The following DIP2B variants were observed in gnomAD, a reference collection of about 807,000 sequenced individuals.
DIP2B encodes DIP2 acetate--CoA ligase B (putative).
A neutral mutation model predicts 198.0 loss-of-function variants in DIP2B; 76 were observed. That is an observed-to-expected ratio of 0.38 (90% CI 0.32 to 0.46). The LOEUF is 0.46. DIP2B is among the 20% of genes least tolerant of loss of function. The probability of loss-of-function intolerance (pLI) is 0.99; values close to 1 mark genes in which losing one functional copy is unlikely to be tolerated. For missense variants in DIP2B, 1,559 were observed against 1,978.4 expected, an observed-to-expected ratio of 0.79 and a Z score of 4.02; for synonymous variants, 701 against 739.1, an observed-to-expected ratio of 0.95 and a Z score of 0.84.
chr12:50,654,355 TC>T (rs1461206047), intron 3 of DIP2B, among the ~76,000 whole-genome samples: 1 of 151,372 alleles, frequency 6.6e-6, no homozygotes, highest in Non-Finnish European at 1.5e-5. Context: ...TTTCTTTCTT[TC>T]TTTTTTTTTT....
chr12:50,679,124 G>T, intron 8 of DIP2B: 1 of 467,792 alleles, frequency 2.1e-6, no homozygotes, highest in Non-Finnish European at 3.8e-6. Context: ...ATCCATAGAT[G>T]TTTTAACATT....
intron 13 of DIP2B, among the ~76,000 whole-genome samples, chr12:50,692,704 G>T (rs1054958666): frequency 2.0e-5 from 3 of 152,142 alleles, no homozygotes; most frequent in African/African-American, 7.2e-5. Context: ...GTGCATGGTG[G>T]TGTATGCCTG....
At chr12:50,708,614 C>CT in intron 22 of DIP2B, 52 bp downstream of exon 22, 2 of 1,420,962 alleles carry the variant, frequency 1.4e-6, no homozygotes, top group Non-Finnish European at 1.9e-6. Context: ...CAACCACTGC[C>CT]TAAGCATTTC....
chr12:50,575,568 A>G (rs1263974138), intron 1 of DIP2B, among the ~76,000 whole-genome samples: 2 of 151,984 alleles, frequency 1.3e-5, no homozygotes, highest in African/African-American at 4.8e-5. Context: ...CTAATTTCTT[A>G]TAGAGACAGA....
chr12:50,727,674 T>C (rs781191361), intron 28 of DIP2B, 29 bp from the exon 29 acceptor site: 3 of 1,581,684 alleles, frequency 1.9e-6, no homozygotes, highest in Non-Finnish European at 1.7e-6. Context: ...CATGTTGGAT[T>C]GACATCAGGT....
intron 35 of DIP2B, among the ~76,000 whole-genome samples, 153 bp from the exon 36 acceptor site, chr12:50,739,256 T>C (rs1940194148): frequency 6.6e-6 from 1 of 152,242 alleles, no homozygotes; most frequent in Non-Finnish European, 1.5e-5. Flanking sequence ...AGGTACATGA[T>C]GAGCACGTGG....
rs779778609 is a variant in DIP2B, at chr12:50,675,452, G to A, written c.916+4G>A. On this transcript the variant is annotated splice_donor_region_variant and intron_variant, in intron 7 of 37. Transcript: ENST00000301180. ...GACTCTGAAGAAATTGTGGAAGGTA[G>A]TAGTAAAAATACCAAAAACATATAT... 7.4e-6 allele frequency: 12 copies of A among 1,613,060 alleles called. No individual in the cohort carries two copies. The highest frequency in any genetic ancestry group is 1.0e-5 in the Non-Finnish European group (12 of 1,179,480).
chr12:50,671,262 A>G lies in DIP2B; in HGVS notation c.504A>G (p.Leu168=). The change falls in exon 5 of 38, where the codon TTA becomes TTG. Residue 168 remains leucine (L), a synonymous_variant. Transcript: ENST00000301180. ...TCTCTGCTGCCTTGCAACAGAGCTT[A>G]CAGAATGCTGAGTCCTGGATCAACC... The part of the protein sequence containing the change: ...AALSAALQQS[L]QNAESWINRS... 1 of 1,614,196 alleles carries G rather than the reference A, an allele frequency of 6.2e-7. No homozygotes were observed. The highest frequency in any genetic ancestry group is 1.1e-5 in the South Asian group (1 of 91,080).
At chr12:50,666,996 G>A (rs1239797721) in intron 4 of DIP2B, among the ~76,000 whole-genome samples, 1 of 152,176 alleles carries the variant, frequency 6.6e-6, no homozygotes, top group Non-Finnish European at 1.5e-5. Flanking sequence ...ATCCTCTCAA[G>A]TAGCTGAGAC....
intron 5 of DIP2B, 101 bp downstream of exon 5, chr12:50,671,499 T>TA (rs1230950897): frequency 6.6e-5 from 75 of 1,143,904 alleles, no homozygotes; most frequent in Non-Finnish European, 8.2e-5. Flanking sequence ...CAGTATGGCC[T>TA]AAAAAAAAGA....
intron 2 of DIP2B, among the ~76,000 whole-genome samples, chr12:50,627,535 C>T (rs1291868483): frequency 1.3e-5 from 2 of 152,110 alleles, no homozygotes; most frequent in Non-Finnish European, 2.9e-5. Context: ...CACTTTATTG[C>T]CCAGGCTGGT....
chr12:50,566,815 A>T (rs1461431589), intron 1 of DIP2B, among the ~76,000 whole-genome samples: 2 of 152,074 alleles, frequency 1.3e-5, no homozygotes, highest in Non-Finnish European at 2.9e-5. Context: ...TAAACAAAAT[A>T]CAAAAAATTA....
chr12:50,505,287 G>A, intron 1 of DIP2B, 47 bp downstream of exon 1: 2 of 1,406,652 alleles, frequency 1.4e-6, no homozygotes, highest in South Asian at 1.5e-5. Flanking sequence ...TGCGGATCGC[G>A]GCGACTTGGG....
intron 2 of DIP2B, among the ~76,000 whole-genome samples, chr12:50,632,934 A>AT (rs1412529725): frequency 6.7e-6 from 1 of 150,304 alleles, no homozygotes; most frequent in East Asian, 1.9e-4. Flanking sequence ...TTAGTGAGTG[A>AT]TTTTTTTTCT....
chr12:50,595,921 G>A (rs766305828), intron 1 of DIP2B, among the ~76,000 whole-genome samples: 2 of 152,144 alleles, frequency 1.3e-5, no homozygotes, highest in Non-Finnish European at 2.9e-5. Context: ...CACCCTCAAG[G>A]AGTAGGATTT....
intron 1 of DIP2B, among the ~76,000 whole-genome samples, chr12:50,567,038 C>CT (rs199582894): frequency 0.043 from 6,334 of 148,652 alleles, 454 homozygotes; most frequent in African/African-American, 0.15. Flanking sequence ...TGTGCACTGA[C>CT]TTTTTTTTTG....
At chr12:50,638,331 G>A (rs949146027) in intron 2 of DIP2B, among the ~76,000 whole-genome samples, 1 of 152,148 alleles carries the variant, frequency 6.6e-6, no homozygotes, top group Admixed American at 6.5e-5. Context: ...TAAAGAAATA[G>A]AGTACCTCAA....
intron 1 of DIP2B, among the ~76,000 whole-genome samples, chr12:50,559,885 C>T (rs1958503914): frequency 6.6e-6 from 1 of 152,170 alleles, no homozygotes. Flanking sequence ...AAATTTAATA[C>T]AACCGTTGTT....
At chr12:50,670,252 G>T (rs1938827382) in intron 4 of DIP2B, among the ~76,000 whole-genome samples, 1 of 151,264 alleles carries the variant, frequency 6.6e-6, no homozygotes, top group Non-Finnish European at 1.5e-5. Context: ...ATTAAAGAAA[G>T]AAATACTGAT....
Sources: allele counts gnomAD v4.1 joint callset (sites outside exome capture counted in the v4.1 genomes callset), GRCh38; gene constraint gnomAD v4.1.1; transcripts MANE v1.5; gene names NCBI Gene and HGNC (gene_info 2026-07-23, HGNC 2026-07-21).